The following PPM1B variants were observed in gnomAD, a reference collection of about 807,000 sequenced individuals.
The protein encoded by PPM1B is protein phosphatase 1B.
A neutral mutation model predicts 43.0 loss-of-function variants in PPM1B; 22 were observed. The observed-to-expected ratio is 0.51, with a 90% CI of 0.37 to 0.73. The LOEUF (loss-of-function observed/expected upper bound fraction) is 0.73, where lower values mean the gene tolerates loss of function less well. Among genes scored for constraint, PPM1B ranks in the 30% least tolerant of loss-of-function variants. The probability of loss-of-function intolerance (pLI) is 0.00; values close to 1 mark genes in which losing one functional copy is unlikely to be tolerated. For missense variants in PPM1B, 632 were observed against 584.2 expected, an observed-to-expected ratio of 1.08 and a Z score of -0.84; for synonymous variants, 217 against 197.9, an observed-to-expected ratio of 1.10 and a Z score of -0.81.
At chr2:44,244,914 G>A (rs547871147), downstream of PPM1B, among the ~76,000 whole-genome samples, 4 of 149,262 alleles carry the variant, frequency 2.7e-5, no homozygotes, top group South Asian at 6.4e-4. Context: ...GTATTTTTAG[G>A]GCTTTTGGCT....
intron 5 of PPM1B, among the ~76,000 whole-genome samples, chr2:44,223,240 T>C (rs926597799): frequency 2.0e-5 from 3 of 152,216 alleles, no homozygotes; most frequent in Non-Finnish European, 4.4e-5. Context: ...ATATTTATCT[T>C]AATCCAAAAA....
intron 1 of PPM1B, among the ~76,000 whole-genome samples, chr2:44,185,429 A>AT (rs1214726301): frequency 3.9e-5 from 6 of 152,184 alleles, no homozygotes; most frequent in Admixed American, 6.5e-5. Flanking sequence ...AGTGTGATAG[A>AT]TTTTTTTTCT....
In PPM1B at chr2:44,218,054, C is replaced by A; in HGVS notation, c.1052C>A (p.Pro351His). The change falls in exon 4 of 6, where the codon CCT (proline) becomes CAT (histidine). Residue 351 changes from proline to histidine, a missense_variant. Pro to His is a moderately conservative substitution (Grantham distance 77). Coordinates refer to ENST00000282412, the MANE Select transcript of PPM1B (RefSeq NM_002706.6). ...ILSAENIPNLPPGGGLAGKRN... is the reference protein window; with the variant it reads ...ILSAENIPNLHPGGGLAGKRN... ...TCTGCAGAAAATATCCCAAATTTGCCTCCTGGGGGAGGTCTTGCTGGCAAG... is the reference window on the plus strand; with the variant it reads ...TCTGCAGAAAATATCCCAAATTTGCATCCTGGGGGAGGTCTTGCTGGCAAG... 6 of 1,612,796 alleles carry A rather than the reference C, an allele frequency of 3.7e-6. No individual in the cohort carries two copies. Among genetic ancestry groups the A allele is most frequent in the South Asian group, 1.1e-5 (1 of 90,822 alleles).
At chr2:44,226,735 C>CTTTTTTTTTTT (rs60750702) in intron 5 of PPM1B, among the ~76,000 whole-genome samples, 7 of 66,684 alleles carry the variant, frequency 1.0e-4, no homozygotes, top group African/African-American at 1.3e-4. Flanking sequence ...AGGTTTTTAT[C>CTTTTTTTTTTT]TTTTTTTTTT....
chr2:44,180,843 G>T (rs1322271437), intron 1 of PPM1B, among the ~76,000 whole-genome samples: 1 of 151,818 alleles, frequency 6.6e-6, no homozygotes, highest in Non-Finnish European at 1.5e-5. Context: ...CACGAATTAG[G>T]GTGGGAAAGG....
intron 1 of PPM1B, among the ~76,000 whole-genome samples, chr2:44,191,402 G>T (rs1668396796): frequency 6.6e-6 from 1 of 152,106 alleles, no homozygotes; most frequent in Non-Finnish European, 1.5e-5. Context: ...TTTTAGTAGA[G>T]ATGGGGTTTC....
chr2:44,179,032 A>T (rs1667730644), intron 1 of PPM1B, among the ~76,000 whole-genome samples: 1 of 152,168 alleles, frequency 6.6e-6, no homozygotes, highest in African/African-American at 2.4e-5. Flanking sequence ...GTGTTCTGAG[A>T]GGGACCCCAT....
downstream of PPM1B, chr2:44,231,576 A>G: frequency 1.7e-6 from 1 of 587,226 alleles, no homozygotes. Flanking sequence ...TAACATTTAG[A>G]ACACTTTTGG....
chr2:44,233,189 C>T (rs1019452758), downstream of PPM1B: 54 of 935,138 alleles, frequency 5.8e-5, no homozygotes, highest in African/African-American at 1.8e-4. Context: ...TTTTAAGATA[C>T]GAGTTTTGTG....
At chr2:44,200,685 T>C (rs1668890426) in intron 1 of PPM1B, among the ~76,000 whole-genome samples, 1 of 152,198 alleles carries the variant, frequency 6.6e-6, no homozygotes, top group Non-Finnish European at 1.5e-5. Context: ...TTTCAATACT[T>C]GCTTTTGAAA....
At chr2:44,220,946 C>G (rs934234043) in intron 5 of PPM1B, among the ~76,000 whole-genome samples, 1 of 152,102 alleles carries the variant, frequency 6.6e-6, no homozygotes, top group Admixed American at 6.5e-5. Context: ...TTGGCTAAAG[C>G]AGAGAACTGT....
At chr2:44,210,901 G>A (rs1270538582) in intron 3 of PPM1B, among the ~76,000 whole-genome samples, 1 of 152,138 alleles carries the variant, frequency 6.6e-6, no homozygotes, top group East Asian at 1.9e-4. Flanking sequence ...ACTTTGGGAG[G>A]CTGAGGTGCA....
At chr2:44,220,740 A>G (rs574521840) in intron 5 of PPM1B, among the ~76,000 whole-genome samples, 1 of 152,356 alleles carries the variant, frequency 6.6e-6, no homozygotes, top group South Asian at 2.1e-4. Context: ...GAATGTGACC[A>G]TTGCCATGTG....
rs1469180512 is a variant in PPM1B at position 44,242,405 on chromosome 2, AAG to A, written n.1547-1822_1547-1821del. Among the ~76,000 whole-genome samples the A allele has an allele frequency of 3.3e-5, 5 of 152,298 alleles. No homozygotes were observed. In the East Asian group the frequency reaches 9.6e-4, roughly 29 times the overall value. On this transcript the variant is annotated intron_variant and non_coding_transcript_variant, in intron 5 of 5. Coordinates refer to the PPM1B transcript ENST00000378540. ...GGAGCTTTTTATTTTCTCCTTAAAAAAGGTAAAGATGTCAAAATGTGAAATCT... is the reference window on the plus strand; with the variant it reads ...GGAGCTTTTTATTTTCTCCTTAAAAAGTAAAGATGTCAAAATGTGAAATCT...
At chr2:44,183,113 CT>C (rs916237837) in intron 1 of PPM1B, among the ~76,000 whole-genome samples, 27 of 152,154 alleles carry the variant, frequency 1.8e-4, no homozygotes, top group Non-Finnish European at 4.4e-5. Context: ...GCCTGTTTTC[CT>C]TTTGCTTCCT....
chr2:44,188,843 TTTTC>T (rs1355628028), intron 1 of PPM1B, among the ~76,000 whole-genome samples: 2 of 136,918 alleles, frequency 1.5e-5, no homozygotes, highest in African/African-American at 2.6e-5. Flanking sequence ...CCTCCCGCTC[TTTTC>T]TTTCTTTTAC....
intron 3 of PPM1B, chr2:44,217,719 TTTTA>T: frequency 4.1e-6 from 1 of 246,606 alleles, no homozygotes; most frequent in Non-Finnish European, 7.7e-6. Context: ...AGTTTTTGCT[TTTTA>T]TGAATAATGC....
At chr2:44,216,195 A>T (rs1281137576) in intron 3 of PPM1B, among the ~76,000 whole-genome samples, 2 of 152,180 alleles carry the variant, frequency 1.3e-5, no homozygotes, top group African/African-American at 4.8e-5. Flanking sequence ...ACCGATTAGA[A>T]ATTATGCATT....
chr2:44,217,605 C>A (rs927124408), intron 3 of PPM1B, among the ~76,000 whole-genome samples: 1 of 152,102 alleles, frequency 6.6e-6, no homozygotes, highest in Non-Finnish European at 1.5e-5. Context: ...CTGTATTCAT[C>A]AAGACACCTA....
Sources: gnomAD v4.1 joint callset for allele counts (sites outside exome capture counted in the v4.1 genomes callset) on GRCh38, gnomAD v4.1.1 for gene constraint, MANE v1.5 for transcripts, NCBI Gene and HGNC (gene_info 2026-07-23, HGNC 2026-07-21) for gene names.